SNX24: variants seen among roughly 807,000 people sequenced by gnomAD.
SNX24 encodes sorting nexin 24, also known as sorting nexin-24.
A neutral mutation model predicts 28.7 loss-of-function variants in SNX24; 22 were observed. The observed-to-expected ratio is 0.77, with a 90% CI of 0.55 to 1.10. SNX24 has a LOEUF of 1.10. SNX24 is among the 50% of genes least tolerant of loss of function. The pLI, the probability that SNX24 is intolerant of heterozygous loss-of-function variation, is 0.00. For missense variants in SNX24, 221 were observed against 201.1 expected, an observed-to-expected ratio of 1.10 and a Z score of -0.60; for synonymous variants, 69 against 71.5, an observed-to-expected ratio of 0.96 and a Z score of 0.18.
chr5:122,920,097 G>C (rs568691425), intron 1 of SNX24, among the ~76,000 whole-genome samples: 1 of 152,170 alleles, frequency 6.6e-6, no homozygotes, highest in Non-Finnish European at 1.5e-5. Flanking sequence ...TCATGTACAG[G>C]CTTGATTGCC....
At chr5:122,850,686 C>A (rs1315755466) in intron 1 of SNX24, among the ~76,000 whole-genome samples, 1 of 151,780 alleles carries the variant, frequency 6.6e-6, no homozygotes, top group East Asian at 1.9e-4. Context: ...TTTGGGCACC[C>A]ACTGAGTTTT....
chr5:122,971,049 G>A (rs553925086), intron 3 of SNX24, among the ~76,000 whole-genome samples: 6 of 152,200 alleles, frequency 3.9e-5, no homozygotes. Flanking sequence ...AAGCTAAGGA[G>A]CAAGGAAGCC....
intron 3 of SNX24, among the ~76,000 whole-genome samples, chr5:122,972,390 A>G (rs1760994441): frequency 6.6e-6 from 1 of 152,242 alleles, no homozygotes; most frequent in African/African-American, 2.4e-5. Context: ...TGAGAGAAGC[A>G]GTAGCATATA....
intron 1 of SNX24, among the ~76,000 whole-genome samples, chr5:122,921,101 A>G (rs754063784): frequency 6.6e-6 from 1 of 151,772 alleles, no homozygotes; most frequent in Admixed American, 6.6e-5. Flanking sequence ...ATACATCACT[A>G]TTATGCACAT....
intron 3 of SNX24, among the ~76,000 whole-genome samples, chr5:122,964,908 A>G (rs1223938845): frequency 6.6e-6 from 1 of 152,134 alleles, no homozygotes; most frequent in Non-Finnish European, 1.5e-5. Context: ...GATGCATTAT[A>G]TTTTATTTAA....
At chr5:122,862,247 C>T (rs1755493388) in intron 1 of SNX24, among the ~76,000 whole-genome samples, 1 of 152,012 alleles carries the variant, frequency 6.6e-6, no homozygotes, top group Admixed American at 6.6e-5. Context: ...CTGGAAGCAG[C>T]CATGAGTAGG....
chr5:122,902,870 G>A (rs1252623375), intron 1 of SNX24, among the ~76,000 whole-genome samples: 1 of 152,112 alleles, frequency 6.6e-6, no homozygotes, highest in Non-Finnish European at 1.5e-5. Context: ...TCTTCCCCCA[G>A]ACTCAACTGA....
chr5:122,875,851 G>A (rs770837726), intron 1 of SNX24, among the ~76,000 whole-genome samples: 1 of 152,306 alleles, frequency 6.6e-6, no homozygotes, highest in South Asian at 2.1e-4. Flanking sequence ...GTGCAATGGT[G>A]CAGTCTTGGC....
intron 3 of SNX24, among the ~76,000 whole-genome samples, chr5:122,989,277 A>T (rs1401162975): frequency 6.6e-6 from 1 of 152,226 alleles, no homozygotes; most frequent in Non-Finnish European, 1.5e-5. Context: ...GCTCAAGATT[A>T]TCAGGGATTG....
At chr5:122,944,312 C>G (rs994473450) in intron 2 of SNX24, among the ~76,000 whole-genome samples, 1 of 152,166 alleles carries the variant, frequency 6.6e-6, no homozygotes, top group African/African-American at 2.4e-5. Context: ...AGCAAGAGCC[C>G]TACCCCAGTA....
intron 1 of SNX24, among the ~76,000 whole-genome samples, chr5:122,882,981 G>T (rs2150062628): frequency 6.6e-6 from 1 of 152,186 alleles, no homozygotes; most frequent in East Asian, 1.9e-4. Flanking sequence ...TTGAGTGGAG[G>T]AATGGGTGGA....
chr5:123,020,330 C>T (rs1321185159), intron 5 of SNX24, among the ~76,000 whole-genome samples: 1 of 152,120 alleles, frequency 6.6e-6, no homozygotes, highest in Non-Finnish European at 1.5e-5. Flanking sequence ...TAAAAAATCC[C>T]ACCATTTGCA....
intron 1 of SNX24, among the ~76,000 whole-genome samples, chr5:122,910,590 G>A (rs535018340): frequency 4.0e-5 from 6 of 148,586 alleles, no homozygotes; most frequent in Admixed American, 6.7e-5. Context: ...TTAGCATTAG[G>A]TATATCTCCT....
In SNX24 at chr5:122,944,475, G is replaced by A. The variant is rs142575272; in HGVS notation, c.145-1580G>A. On this transcript the variant is annotated intron_variant, in intron 2 of 6. Coordinates refer to ENST00000261369, the MANE Select transcript of SNX24 (RefSeq NM_014035.4). ...GAAGGAGGAAATGAATATTGGCTAA[G>A]CAGCTAGCAGTGCTAGCCACATCCC... Among the ~76,000 whole-genome samples the A allele has an allele frequency of 4.0e-3, 612 of 152,220 alleles. 3 individuals carry two copies. Among genetic ancestry groups the A allele is most frequent in the Non-Finnish European group, 5.9e-3 (402 of 68,010 alleles).
intron 1 of SNX24, among the ~76,000 whole-genome samples, chr5:122,879,976 T>A (rs931944826): frequency 3.3e-5 from 5 of 152,206 alleles, no homozygotes; most frequent in East Asian, 3.8e-4. Context: ...GTACTTTGAG[T>A]CAGTGTTAAT....
At chr5:122,877,339 T>C (rs951879544) in intron 1 of SNX24, among the ~76,000 whole-genome samples, 1 of 152,088 alleles carries the variant, frequency 6.6e-6, no homozygotes, top group African/African-American at 2.4e-5. Flanking sequence ...AGCAAAGTGA[T>C]ATGAAAATGA....
intron 3 of SNX24, among the ~76,000 whole-genome samples, chr5:122,986,130 A>G (rs925307776): frequency 2.0e-5 from 3 of 152,166 alleles, no homozygotes; most frequent in Non-Finnish European, 2.9e-5. Context: ...AGAGATGAGG[A>G]AAGTGGACAG....
intron 3 of SNX24, among the ~76,000 whole-genome samples, chr5:122,987,960 TTAATCA>T (rs1194753568): frequency 1.3e-5 from 2 of 152,168 alleles, no homozygotes; most frequent in East Asian, 3.9e-4. Context: ...TAAAGAGAAG[TTAATCA>T]TAATGTAAAT....
At chr5:122,989,848 C>A (rs545844430) in intron 3 of SNX24, among the ~76,000 whole-genome samples, 1 of 152,292 alleles carries the variant, frequency 6.6e-6, no homozygotes, top group South Asian at 2.1e-4. Flanking sequence ...GGCTAGGGTA[C>A]ATATGTTTTT....
Sources: gnomAD v4.1 joint callset for allele counts (sites outside exome capture counted in the v4.1 genomes callset) on GRCh38, gnomAD v4.1.1 for gene constraint, MANE v1.5 for transcripts, NCBI Gene and HGNC (gene_info 2026-07-23, HGNC 2026-07-21) for gene names.